Variants in COPS3 observed in about 807,000 individuals in gnomAD.
COPS3 encodes the protein COP9 signalosome complex subunit 3.
Under a neutral mutation model 58.2 loss-of-function variants are expected in COPS3, and 10 were observed. That is an observed-to-expected ratio of 0.17 (90% confidence interval 0.11 to 0.29). COPS3 has a LOEUF of 0.29. Among genes scored for constraint, COPS3 ranks in the 10% least tolerant of loss-of-function variants. The probability of loss-of-function intolerance (pLI) is 1.00; values close to 1 mark genes in which losing one functional copy is unlikely to be tolerated. For missense variants in COPS3, 333 were observed against 510.1 expected, an observed-to-expected ratio of 0.65 and a Z score of 3.34; for synonymous variants, 187 against 181.7, an observed-to-expected ratio of 1.03 and a Z score of -0.24.
intron 8 of COPS3, among the ~76,000 whole-genome samples, chr17:17,257,111 C>T (rs2047992297): frequency 6.6e-6 from 1 of 152,140 alleles, no homozygotes; most frequent in African/African-American, 2.4e-5. Flanking sequence ...CACCTGTCAT[C>T]TTAGCACTTT....
intron 9 of COPS3, among the ~76,000 whole-genome samples, chr17:17,249,715 C>T (rs1041683118): frequency 6.6e-6 from 1 of 152,220 alleles, no homozygotes; most frequent in African/African-American, 2.4e-5. Flanking sequence ...TGGTCTCCAA[C>T]TCCCGACTTT....
Position 17,246,968 on chromosome 17 carries a change from A to T in COPS3, c.*130T>A. 6.2e-6 allele frequency: 5 copies of T among 801,610 alleles called. No individual in the cohort carries two copies. Among genetic ancestry groups the T allele is most frequent in the Middle Eastern group, 4.6e-4 (2 of 4,372 alleles). 49.7% of individuals were successfully genotyped at this position (801,610 alleles called of 1,614,324 possible). Reference sequence around the variant, plus strand: ...GTTTTCTGAAAGCACACAGGACTGAAGATGTCAAAACAAAACTTAATTTCT... The same window carrying T: ...GTTTTCTGAAAGCACACAGGACTGATGATGTCAAAACAAAACTTAATTTCT... On this transcript the variant is annotated 3_prime_UTR_variant, in exon 12 of 12. Transcript: ENST00000268717.
At chr17:17,270,449 T>C (rs1024395829) in intron 4 of COPS3, among the ~76,000 whole-genome samples, 2 of 152,106 alleles carry the variant, frequency 1.3e-5, no homozygotes, top group African/African-American at 4.8e-5. Flanking sequence ...AATTAAAAGT[T>C]AAAAGAAAAA....
intron 10 of COPS3, 66 bp from the exon 11 acceptor site, chr17:17,247,626 T>C: frequency 8.0e-6 from 12 of 1,494,986 alleles, no homozygotes; most frequent in Admixed American, 1.7e-5. Flanking sequence ...CTTTCTAACT[T>C]ACACTGTTCA....
rs772208334 is a variant in COPS3, at chr17:17,281,210, G to T, written c.-24C>A. 1 of 1,604,286 alleles carries T rather than the reference G, an allele frequency of 6.2e-7. No individual in the cohort carries two copies. Among genetic ancestry groups the T allele is most frequent in the Non-Finnish European group, 8.5e-7 (1 of 1,175,760 alleles). On this transcript the variant is annotated 5_prime_UTR_variant, in exon 1 of 12. Coordinates refer to ENST00000268717, the MANE Select transcript of COPS3 (RefSeq NM_003653.4). ...ATGTTTTCCCCCGGGCGGCCCGAGC[G>T]GCGAAGGCAGCACGCGCGGGAAAAG...
intron 7 of COPS3, among the ~76,000 whole-genome samples, chr17:17,260,847 A>G (rs2048081522): frequency 6.6e-6 from 1 of 151,984 alleles, no homozygotes; most frequent in Non-Finnish European, 1.5e-5. Flanking sequence ...ACTTCAGAAG[A>G]CTCAAATGTG....
intron 8 of COPS3, among the ~76,000 whole-genome samples, chr17:17,258,111 G>A (rs569529897): frequency 2.0e-5 from 3 of 152,098 alleles, no homozygotes; most frequent in Admixed American, 6.6e-5. Context: ...TTAAAGACAC[G>A]GTTCCTGCCC....
chr17:17,260,653 A>C, intron 7 of COPS3, 179 bp from the exon 8 acceptor site: 1 of 512,920 alleles, frequency 1.9e-6, no homozygotes, highest in Non-Finnish European at 3.5e-6. Flanking sequence ...AAAATACAAA[A>C]TTAACTGAGC....
rs2047933631 is a variant in COPS3, at chr17:17,254,930, A to G, written c.952T>C (p.Ser318Pro). The G allele has an allele frequency of 1.2e-6, 2 of 1,612,706 alleles. No homozygotes were observed. Among genetic ancestry groups the G allele is most frequent in the Admixed American group, 3.3e-5 (2 of 59,928 alleles). Residue 318 changes from serine (S) to proline (P), a missense_variant, in exon 9 of 12, where the codon TCA becomes CCA. By Grantham distance (74) the Ser-to-Pro change is moderately conservative. Transcript: ENST00000268717. Reference sequence around the variant, plus strand: ...ACACGACTTGCCATATCTTGTAATGATAGAGTTAAAAAGGTCTGAAAGTCA... The same window carrying G: ...ACACGACTTGCCATATCTTGTAATGGTAGAGTTAAAAAGGTCTGAAAGTCA... ...QRLTKTFLTL[S>P]LQDMASRVQL...
intron 8 of COPS3, among the ~76,000 whole-genome samples, chr17:17,257,751 C>T (rs1227939018): frequency 6.9e-6 from 1 of 145,744 alleles, no homozygotes; most frequent in African/African-American, 2.6e-5. Context: ...GAGCCGAGAT[C>T]GAGCCACTGC....
intron 2 of COPS3, among the ~76,000 whole-genome samples, chr17:17,274,372 T>C (rs923651299): frequency 6.6e-6 from 1 of 151,736 alleles, no homozygotes; most frequent in Non-Finnish European, 1.5e-5. Context: ...AATAATACAG[T>C]ATAGATGGAA....
At chr17:17,280,657 G>C (rs1433297739) in intron 1 of COPS3, 6 of 1,305,702 alleles carry the variant, frequency 4.6e-6, no homozygotes, top group Middle Eastern at 3.1e-4. Context: ...CGGAGGAGCT[G>C]GCAGAGGCGA....
At chr17:17,280,723 T>G in intron 1 of COPS3, 1 of 1,251,842 alleles carries the variant, frequency 8.0e-7, no homozygotes, top group East Asian at 6.0e-5. Context: ...CCCGGCGGCC[T>G]AGTCAGCAAG....
At chr17:17,266,552 A>T (rs965716388) in intron 5 of COPS3, among the ~76,000 whole-genome samples, 3 of 152,088 alleles carry the variant, frequency 2.0e-5, no homozygotes, top group Non-Finnish European at 2.9e-5. Flanking sequence ...TAATCCCAGC[A>T]CTTTGGGAGG....
rs765600720 is a variant in COPS3, at chr17:17,258,602, G to GTTTTTAATGGCAGCTGT, written c.936+1682_936+1698dup. The stretch of plus-strand genomic sequence containing the variant: ...ATTACTAGTCACAAACAGAGTTTGT[G>GTTTTTAATGGCAGCTGT]TTTTTAATGGCAGCTGTTTTTTAAT... On this transcript the variant is annotated intron_variant, in intron 8 of 11. Transcript: ENST00000268717. 2.3e-3 allele frequency among the ~76,000 whole-genome samples: 355 copies of GTTTTTAATGGCAGCTGT among 152,286 alleles called. 1 individual carries two copies. Among genetic ancestry groups the GTTTTTAATGGCAGCTGT allele is most frequent in the Middle Eastern group, 0.017 (5 of 294 alleles).
intron 5 of COPS3, among the ~76,000 whole-genome samples, chr17:17,267,021 T>A (rs549830114): frequency 1.7e-4 from 25 of 148,490 alleles, no homozygotes; most frequent in African/African-American, 5.7e-4. Context: ...TCCACAATTT[T>A]AAAAAAATGA....
At chr17:17,268,237 A>G (rs2145234814) in intron 4 of COPS3, among the ~76,000 whole-genome samples, 1 of 152,318 alleles carries the variant, frequency 6.6e-6, no homozygotes, top group Non-Finnish European at 1.5e-5. Flanking sequence ...GAAGATCAAT[A>G]ATCAAAAACA....
intron 5 of COPS3, among the ~76,000 whole-genome samples, chr17:17,265,213 T>C (rs762318533): frequency 3.3e-5 from 5 of 152,206 alleles, no homozygotes; most frequent in Non-Finnish European, 7.3e-5. Context: ...CAGTTAAGCA[T>C]CCCTAATCTG....
chr17:17,246,987 A>G lies in COPS3; in HGVS notation c.*111T>C. The G allele has an allele frequency of 1.1e-6, 1 of 943,336 alleles. No individual in the cohort carries two copies. Among genetic ancestry groups the G allele is most frequent in the Non-Finnish European group, 1.7e-6 (1 of 574,708 alleles). 58.4% of individuals were successfully genotyped at this position (943,336 alleles called of 1,614,324 possible). On this transcript the variant is annotated 3_prime_UTR_variant, in exon 12 of 12. Coordinates refer to ENST00000268717, the MANE Select transcript of COPS3 (RefSeq NM_003653.4). Reference sequence around the variant, plus strand: ...GACTGAAGATGTCAAAACAAAACTTAATTTCTTAGTCTCCAGGTGACACAG... The same window carrying G: ...GACTGAAGATGTCAAAACAAAACTTGATTTCTTAGTCTCCAGGTGACACAG...
Sources: gnomAD v4.1 joint callset for allele counts (sites outside exome capture counted in the v4.1 genomes callset) on GRCh38, gnomAD v4.1.1 for gene constraint, MANE v1.5 for transcripts, NCBI Gene and HGNC (gene_info 2026-07-23, HGNC 2026-07-21) for gene names.